Variants in GALNT14 observed in about 807,000 individuals in gnomAD.
The protein encoded by GALNT14 is polypeptide N-acetylgalactosaminyltransferase 14, also known as UDP-GalNAc:polypeptide N-acetylgalactosaminyltransferase 14.
Under a neutral mutation model 77.5 loss-of-function variants are expected in GALNT14, and 60 were observed. The ratio of observed to expected loss-of-function variants is 0.77; its 90% CI spans 0.63 to 0.96. The LOEUF is 0.96. GALNT14 is among the 40% of genes least tolerant of loss of function. The pLI is 0.00. For synonymous variants in GALNT14, 280 were observed against 281.7 expected (o/e 0.99, Z 0.06); for missense variants, 710 against 731.0 (o/e 0.97, Z 0.33).
chr2:30,961,865 T>C lies in GALNT14; in HGVS notation c.399-3401A>G, dbSNP rs543764720. 3.8e-3 allele frequency among the ~76,000 whole-genome samples: 573 copies of C among 151,870 alleles called. 5 individuals are homozygous for C. Among genetic ancestry groups the C allele is most frequent in the Non-Finnish European group, 3.6e-3 (245 of 67,890 alleles). On this transcript the variant is annotated intron_variant, in intron 3 of 14. Coordinates refer to ENST00000349752, the MANE Select transcript of GALNT14 (RefSeq NM_024572.4). ...CCCAGCTAATTTTTTGGTTTTTTTG[T>C]TTTTTTTAGTAGAGACGGGGTTTCA...
intron 1 of GALNT14, among the ~76,000 whole-genome samples, chr2:31,113,125 AT>A (rs1216187818): frequency 6.6e-6 from 1 of 152,190 alleles, no homozygotes; most frequent in African/African-American, 2.4e-5. Context: ...TTAAAAGAAT[AT>A]TTGCTTGGAA....
At chr2:30,887,521 T>A in the GALNT14 span, among the ~76,000 whole-genome samples, 2 of 152,238 alleles carry the variant, frequency 1.3e-5, no homozygotes, top group African/African-American at 4.8e-5. Flanking sequence ...GTATGTCTTC[T>A]TTGGAGAAAT....
chr2:30,909,760 T>G (rs890841268), downstream of GALNT14, among the ~76,000 whole-genome samples: 1 of 151,898 alleles, frequency 6.6e-6, no homozygotes, highest in Non-Finnish European at 1.5e-5. Flanking sequence ...CACATGCACA[T>G]GTATGTTTAT....
At chr2:30,981,472 C>T (rs1668983874) in intron 2 of GALNT14, among the ~76,000 whole-genome samples, 1 of 152,134 alleles carries the variant, frequency 6.6e-6, no homozygotes, top group African/African-American at 2.4e-5. Context: ...TCAAATCAGC[C>T]TACATGTGCA....
intron 1 of GALNT14, among the ~76,000 whole-genome samples, chr2:31,012,675 C>CA (rs1205205176): frequency 1.3e-5 from 2 of 152,060 alleles, no homozygotes; most frequent in Admixed American, 1.3e-4. Context: ...AAGCAAGATG[C>CA]AAAGGAACTG....
chr2:30,976,244 C>T (rs576209797), intron 2 of GALNT14, among the ~76,000 whole-genome samples: 2 of 152,190 alleles, frequency 1.3e-5, no homozygotes, highest in Non-Finnish European at 2.9e-5. Context: ...AATCTACCTC[C>T]TCAGGCAGTT....
chr2:31,062,386 T>G (rs1438448698), intron 1 of GALNT14, among the ~76,000 whole-genome samples: 1 of 152,190 alleles, frequency 6.6e-6, no homozygotes, highest in African/African-American at 2.4e-5. Context: ...ACAAAGAACA[T>G]GAGCTTATTC....
intron 1 of GALNT14, among the ~76,000 whole-genome samples, chr2:31,011,548 T>C (rs1671031035): frequency 6.6e-6 from 1 of 152,078 alleles, no homozygotes; most frequent in Admixed American, 6.5e-5. Flanking sequence ...TCCCCAGAAA[T>C]AGATGCAAAA....
chr2:30,920,134 A>G (rs2148219296), intron 13 of GALNT14, among the ~76,000 whole-genome samples: 1 of 152,324 alleles, frequency 6.6e-6, no homozygotes. Context: ...GCTCAGAGCC[A>G]GCCCTGACTC....
At chr2:30,920,896 G>A (rs1280799699) in intron 13 of GALNT14, among the ~76,000 whole-genome samples, 1 of 152,146 alleles carries the variant, frequency 6.6e-6, no homozygotes, top group Non-Finnish European at 1.5e-5. Flanking sequence ...ATCCTGTCTA[G>A]GAGTATTCTC....
In GALNT14 at chr2:30,958,277, C is replaced by A. The variant is rs189550498; in HGVS notation, c.466+120G>T. ...CCACGGACGCTCAAAGACTTCCGTA[C>A]CTATTACAAACCTGGGCTTTTCCCC... On this transcript the variant is annotated intron_variant, in intron 4 of 14. Coordinates refer to ENST00000349752, the MANE Select transcript of GALNT14 (RefSeq NM_024572.4). 51 of 784,388 alleles carry A rather than the reference C, an allele frequency of 6.5e-5. No individual in the cohort carries two copies. The African/African-American group carries it at 7.3e-4, about 11-fold the overall frequency. 48.6% of individuals were successfully genotyped at this position (784,388 alleles called of 1,614,324 possible).
At chr2:31,090,377 C>T (rs750079701) in intron 1 of GALNT14, among the ~76,000 whole-genome samples, 1 of 152,116 alleles carries the variant, frequency 6.6e-6, no homozygotes, top group Non-Finnish European at 1.5e-5. Flanking sequence ...CGTGGATGGC[C>T]AATGAATGGC....
At chr2:31,030,029 T>C (rs924655193) in intron 1 of GALNT14, among the ~76,000 whole-genome samples, 1 of 152,230 alleles carries the variant, frequency 6.6e-6, no homozygotes, top group Non-Finnish European at 1.5e-5. Flanking sequence ...GCATTGTGCA[T>C]ATCATACAGA....
chr2:30,929,679 G>A (rs1665610730), intron 10 of GALNT14, among the ~76,000 whole-genome samples, 192 bp from the exon 11 acceptor site: 1 of 152,196 alleles, frequency 6.6e-6, no homozygotes. Context: ...CTCCAAAGGG[G>A]TCTTTACCCC....
intron 2 of GALNT14, among the ~76,000 whole-genome samples, chr2:30,968,212 T>C (rs1301005864): frequency 6.6e-6 from 1 of 152,188 alleles, no homozygotes; most frequent in African/African-American, 2.4e-5. Context: ...TGTCCATTGA[T>C]AGAGAAAGGG....
chr2:31,053,208 G>T, intron 1 of GALNT14, among the ~76,000 whole-genome samples: 1 of 152,170 alleles, frequency 6.6e-6, no homozygotes. Context: ...GGACCTGCCT[G>T]ATAATGCCAG....
intron 2 of GALNT14, among the ~76,000 whole-genome samples, chr2:30,980,499 T>C (rs1191631194): frequency 6.6e-6 from 1 of 152,184 alleles, no homozygotes; most frequent in Non-Finnish European, 1.5e-5. Context: ...GCATTTGACA[T>C]CAATTATTTC....
rs1678646548 is a variant in GALNT14, at chr2:31,125,212, C to T, written c.129+12746G>A. On this transcript the variant is annotated intron_variant, in intron 1 of 14. Transcript: ENST00000349752. Reference sequence around the variant, plus strand: ...TGGGTGATACAGGCACCTGAGGCGCCCAAGGGCTCATCCCAGCCACCTTGA... The same window carrying T: ...TGGGTGATACAGGCACCTGAGGCGCTCAAGGGCTCATCCCAGCCACCTTGA... 2.6e-6 allele frequency: 4 copies of T among 1,550,546 alleles called. No individual in the cohort carries two copies. In the Admixed American group the frequency reaches 5.9e-5, roughly 23 times the overall value.
intron 1 of GALNT14, among the ~76,000 whole-genome samples, chr2:31,102,902 C>G (rs778855546): frequency 1.2e-4 from 18 of 151,970 alleles, no homozygotes; most frequent in Non-Finnish European, 2.5e-4. Context: ...TCCACTTTGT[C>G]TAATGCAAGT....
Sources: gnomAD v4.1 joint callset for allele counts (sites outside exome capture counted in the v4.1 genomes callset) on GRCh38, gnomAD v4.1.1 for gene constraint, MANE v1.5 for transcripts, NCBI Gene and HGNC (gene_info 2026-07-23, HGNC 2026-07-21) for gene names.